The following CCDC33 variants were observed in gnomAD, a reference collection of about 807,000 sequenced individuals.
CCDC33 encodes coiled-coil domain-containing protein 33.
CCDC33 carries 94 observed loss-of-function variants against 91.9 expected under a neutral mutation model. The observed-to-expected ratio is 1.02, with a 90% CI of 0.87 to 1.21. The LOEUF is 1.21. CCDC33 is among the 50% of genes most tolerant of loss of function. The pLI, the probability that CCDC33 is intolerant of heterozygous loss-of-function variation, is 0.00. For missense variants in CCDC33, 940 were observed against 935.5 expected (o/e 1.00, Z -0.06); for synonymous variants, 396 against 374.5 (o/e 1.06, Z -0.66).
intron 11 of CCDC33, among the ~76,000 whole-genome samples, chr15:74,309,609 C>T (rs908496621): frequency 1.2e-4 from 19 of 152,058 alleles, no homozygotes; most frequent in Admixed American, 8.5e-4. Context: ...GAGCTTCTGG[C>T]GCCTTTTTTT....
intron 11 of CCDC33, among the ~76,000 whole-genome samples, chr15:74,312,311 C>A (rs1484210): frequency 0.47 from 70,793 of 152,062 alleles, 19,306 homozygotes; most frequent in Non-Finnish European, 0.61. Context: ...AGGGGTTCAG[C>A]CTGTCCATGG....
chr15:74,262,239 G>C lies in CCDC33; in HGVS notation c.186-201G>C, dbSNP rs147860865. 3.5e-3 allele frequency among the ~76,000 whole-genome samples: 527 copies of C among 152,304 alleles called. 3 individuals are homozygous for C. Among genetic ancestry groups the C allele is most frequent in the Middle Eastern group, 6.8e-3 (2 of 294 alleles). Reference sequence around the variant, plus strand: ...TGACTAAGTGAAGGCCTCAGTAGTGGCCAGCGAGACAGTGTGGTCACCTGG... The same window carrying C: ...TGACTAAGTGAAGGCCTCAGTAGTGCCCAGCGAGACAGTGTGGTCACCTGG... On this transcript the variant is annotated intron_variant, in intron 2 of 18. Coordinates refer to ENST00000398814, the MANE Select transcript of CCDC33 (RefSeq NM_025055.5).
chr15:74,245,779 G>T (rs541187683), intron 2 of CCDC33, among the ~76,000 whole-genome samples: 1 of 152,116 alleles, frequency 6.6e-6, no homozygotes, highest in Non-Finnish European at 1.5e-5. Context: ...ACGCGGGGAG[G>T]GGGGAGGGGA....
At chr15:74,253,303 T>G (rs1189086762) in intron 2 of CCDC33, among the ~76,000 whole-genome samples, 4 of 152,280 alleles carry the variant, frequency 2.6e-5, no homozygotes, top group African/African-American at 9.6e-5. Context: ...CCCTCCAGAC[T>G]TTATGTAGCT....
chr15:74,220,025 G>A (rs1050434764), intron 2 of CCDC33, among the ~76,000 whole-genome samples: 10 of 152,200 alleles, frequency 6.6e-5, no homozygotes, highest in Non-Finnish European at 1.3e-4. Flanking sequence ...AGGGCCTGGG[G>A]ATGGGAGAAA....
intron 11 of CCDC33, among the ~76,000 whole-genome samples, chr15:74,327,962 A>G (rs1390357792): frequency 6.6e-6 from 1 of 152,170 alleles, no homozygotes; most frequent in Non-Finnish European, 1.5e-5. Context: ...GCCCTCATAT[A>G]AGACCACAAG....
At chr15:74,243,952 A>T (rs1263859042) in intron 1 of CCDC33, 33 bp from the exon 2 acceptor site, 1 of 1,562,590 alleles carries the variant, frequency 6.4e-7, no homozygotes, top group Non-Finnish European at 8.6e-7. Context: ...CTCAAAAAAA[A>T]AAAAAAACAC....
chr15:74,267,970 T>C (rs533125265), intron 4 of CCDC33, among the ~76,000 whole-genome samples: 64 of 152,264 alleles, frequency 4.2e-4, no homozygotes, highest in South Asian at 2.7e-3. Context: ...GGATGGGCCA[T>C]GCAGGGAAGT....
intron 10 of CCDC33, among the ~76,000 whole-genome samples, chr15:74,293,394 C>A (rs1018873702): frequency 5.3e-5 from 8 of 152,206 alleles, no homozygotes; most frequent in African/African-American, 1.9e-4. Context: ...CCTTCATTCT[C>A]TCCTGCATTC....
chr15:74,326,760 C>T (rs539102696), intron 11 of CCDC33, among the ~76,000 whole-genome samples: 9 of 152,176 alleles, frequency 5.9e-5, no homozygotes, highest in Non-Finnish European at 8.8e-5. Context: ...GTGGCTGGTG[C>T]CTGACCCTCC....
At position 74,268,423 on chromosome 15, in the gene CCDC33, C is replaced by A; in HGVS notation, c.511C>A (p.Pro171Thr). The change falls in exon 5 of 19, where the codon CCC (proline) becomes ACC (threonine). Residue 171 changes from proline to threonine, a missense_variant. Pro to Thr is a conservative substitution (Grantham distance 38). Coordinates refer to ENST00000398814, the MANE Select transcript of CCDC33 (RefSeq NM_025055.5). ...AGTCGTTCGGAAGAGCAGCTTCATA[C>A]CCCGCTACATCGGCTGCAACCACAT... Reference protein sequence around the residue: ...ATVVRKSSFIPRYIGCNHMAL... With the variant: ...ATVVRKSSFITRYIGCNHMAL... 6.2e-7 allele frequency: 1 copy of A among 1,613,850 alleles called. No individual in the cohort carries two copies. Among genetic ancestry groups the A allele is most frequent in the Middle Eastern group, 1.7e-4 (1 of 6,056 alleles).
chr15:74,330,955 C>A, intron 13 of CCDC33, 26 bp from the exon 14 acceptor site: 1 of 1,564,370 alleles, frequency 6.4e-7, no homozygotes, highest in Middle Eastern at 1.7e-4. Flanking sequence ...CCATTCTCTC[C>A]CCTTCTCTCC....
At position 74,254,320 on chromosome 15, in the gene CCDC33, T is replaced by C. The variant is rs113680634; in HGVS notation, c.186-8120T>C. Among the ~76,000 whole-genome samples, 746 of 152,190 alleles carry C rather than the reference T, an allele frequency of 4.9e-3. 9 individuals carry two copies. Among genetic ancestry groups the C allele is most frequent in the Middle Eastern group, 0.024 (7 of 294 alleles). On this transcript the variant is annotated intron_variant, in intron 2 of 18. Transcript: ENST00000398814. The stretch of plus-strand genomic sequence containing the variant: ...TGCTGGGATTACAGGCGTGAGCCAC[T>C]GCGCCCGGACGCCTCTCTCAATTTT...
In CCDC33 at chr15:74,330,998, G is replaced by A. The variant is rs546200202; in HGVS notation, c.1563G>A (p.Lys521=). 328 of 1,594,834 alleles carry A rather than the reference G, an allele frequency of 2.1e-4. No homozygotes were observed. The highest frequency in any genetic ancestry group is 2.7e-4 in the Non-Finnish European group (317 of 1,170,690). The change falls in exon 14 of 19, where the codon AAG becomes AAA. Residue 521 remains lysine, a synonymous_variant. Coordinates refer to ENST00000398814, the MANE Select transcript of CCDC33 (RefSeq NM_025055.5). ...NELIRKNDRE[K]ELLLLYQAQQ... ...TCTCACAGAAGAATGATCGAGAGAA[G>A]GAGCTGCTCCTTCTGTATCAGGCCC...
At chr15:74,252,316 G>C (rs1167371054) in intron 2 of CCDC33, among the ~76,000 whole-genome samples, 2 of 152,176 alleles carry the variant, frequency 1.3e-5, no homozygotes, top group Non-Finnish European at 2.9e-5. Flanking sequence ...TGAAGGCAGG[G>C]ATCTGGGCAG....
chr15:74,336,039 T>C lies in CCDC33; in HGVS notation c.2254T>C (p.Ser752Pro). 3 of 1,613,898 alleles carry C rather than the reference T, an allele frequency of 1.9e-6. No homozygotes were observed. The highest frequency in any genetic ancestry group is 2.5e-6 in the Non-Finnish European group (3 of 1,180,022). Residue 752 changes from serine to proline, a missense_variant, in exon 19 of 19, where the codon TCT becomes CCT. Ser to Pro is a moderately conservative substitution (Grantham distance 74, BLOSUM62 -1). Transcript: ENST00000398814. ...PLSPQKETAN[S>P]QQT is the part of the protein sequence containing the mutation. The stretch of plus-strand genomic sequence containing the variant: ...GAGCCCCCAGAAGGAGACCGCTAAC[T>C]CTCAGCAGACCTGAGCCCCAGAGCA...
chr15:74,293,026 C>T (rs1323903378), intron 10 of CCDC33, among the ~76,000 whole-genome samples: 2 of 152,138 alleles, frequency 1.3e-5, no homozygotes, highest in Non-Finnish European at 2.9e-5. Flanking sequence ...GAGTGCCCAG[C>T]TCTGACCAGG....
At position 74,244,088 on chromosome 15, in the gene CCDC33, A is replaced by G. The variant is rs1472895294; in HGVS notation, c.125A>G (p.His42Arg). The change falls in exon 2 of 19, where the codon CAT (histidine) becomes CGT (arginine). Residue 42 changes from histidine (H) to arginine (R), a missense_variant. Transcript: ENST00000398814. The surrounding 1 kb of genome is among the most constrained non-coding windows in gnomAD (Gnocchi z 4.2). ...AAGGAGACCATCATGGTCACCCTCC[A>G]TGGGGCTACCAACCTGCCTGCCTGC... Reference protein sequence around the residue: ...SKKETIMVTLHGATNLPACKD... With the variant: ...SKKETIMVTLRGATNLPACKD... 6 of 1,613,952 alleles carry G rather than the reference A, an allele frequency of 3.7e-6. No individual in the cohort carries two copies. Among genetic ancestry groups the G allele is most frequent in the South Asian group, 2.2e-5 (2 of 91,068 alleles).
At position 74,316,779 on chromosome 15, in the gene CCDC33, C is replaced by G. The variant is rs1382480181; in HGVS notation, c.1291-13410C>G. Among the ~76,000 whole-genome samples, 1 of 152,188 alleles carries G rather than the reference C, an allele frequency of 6.6e-6. No homozygotes were observed. Among genetic ancestry groups the G allele is most frequent in the Non-Finnish European group, 1.5e-5 (1 of 68,034 alleles). On this transcript the variant is annotated intron_variant, in intron 11 of 18. Coordinates refer to ENST00000398814, the MANE Select transcript of CCDC33 (RefSeq NM_025055.5). This position sits in a 1 kb window ranked among gnomAD's most constrained non-coding sequence, Gnocchi z 4.7. ...AGAGGAGGGAGTAATATTTCTGGAG[C>G]CACTCTTATATGCCAGACGCTGCTC...
Sources: gnomAD v4.1 joint callset for allele counts (sites outside exome capture counted in the v4.1 genomes callset) on GRCh38, gnomAD v4.1.1 for gene constraint, Gnocchi (gnomAD v3.1) non-coding constraint, MANE v1.5 for transcripts, NCBI Gene and HGNC (gene_info 2026-07-23, HGNC 2026-07-21) for gene names.